The following CUL4B variants were observed in gnomAD, a reference collection of about 807,000 sequenced individuals.
CUL4B encodes cullin 4B, also known as cullin-4B.
In CUL4B, 1 loss-of-function variant was observed where a neutral mutation model predicts 69.2. The observed-to-expected ratio is 0.01, with a 90% CI of 0.01 to 0.07. The LOEUF is 0.07. CUL4B is among the 10% of genes least tolerant of loss of function. The probability of loss-of-function intolerance (pLI) is 1.00; values close to 1 mark genes in which losing one functional copy is unlikely to be tolerated. For missense variants in CUL4B, 328 were observed against 638.8 expected, an observed-to-expected ratio of 0.51 and a Z score of 5.24; for synonymous variants, 237 against 223.2, an observed-to-expected ratio of 1.06 and a Z score of -0.55.
Position 120,544,610 on chromosome X carries a change from A to G in CUL4B, c.954T>C (p.Ile318=), listed in dbSNP as rs144312827. ...TATTCTGCACTTTCTGATCACTTAT[A>G]ATATGAGCCCTAAATAACTCCAGTC... ...DMGLELFRAH[I]ISDQKVQNKT... Residue 318 remains isoleucine, a synonymous_variant, in exon 6 of 20, where the codon ATT becomes ATC. Transcript: ENST00000371322. The G allele has an allele frequency of 6.6e-6, 8 of 1,207,583 alleles. No individual in the cohort carries two copies. The African/African-American group carries it at 1.4e-4, about 21-fold the overall frequency.
Position 120,537,473 on chromosome X carries a change from G to A in CUL4B, c.1939-439C>T, listed in dbSNP as rs192987297. Among the ~76,000 whole-genome samples, 570 of 110,483 alleles carry A rather than the reference G, an allele frequency of 5.2e-3. 1 individual carries two copies. The highest frequency in any genetic ancestry group is 8.8e-3 in the Non-Finnish European group (467 of 52,868). On this transcript the variant is annotated intron_variant, in intron 14 of 19. Transcript: ENST00000371322. ...GCTCCACTGCCTGTCTGCAGGGAGT[G>A]ACCTGGAGTAGGGAAGGAAAAAGAG...
At chrX:120,530,053 CTTTCT>C in intron 19 of CUL4B, 44 bp downstream of exon 19, 1 of 1,143,515 alleles carries the variant, frequency 8.7e-7, no homozygotes, top group Non-Finnish European at 1.2e-6. Context: ...ATCTAATGTA[CTTTCT>C]TTTATTTATA....
At chrX:120,561,690 A>T (rs1363716251), upstream of CUL4B, among the ~76,000 whole-genome samples, 1 of 109,365 alleles carries the variant, frequency 9.1e-6, no homozygotes, top group Non-Finnish European at 1.9e-5. Context: ...AATAAAACGT[A>T]AGGGTCCGGG....
chrX:120,529,942 GTTT>G (rs76254851), intron 19 of CUL4B, among the ~76,000 whole-genome samples, 157 bp downstream of exon 19: 1 of 104,851 alleles, frequency 9.5e-6, no homozygotes, highest in Admixed American at 1.0e-4. Context: ...TGCCAACAAA[GTTT>G]TTTTTTTTGG....
At chrX:120,541,454 G>A (rs762918613) in intron 10 of CUL4B, 148 bp downstream of exon 10, 37 of 488,044 alleles carry the variant, frequency 7.6e-5, no homozygotes, top group Non-Finnish European at 1.1e-4. Context: ...AGCTAAGATC[G>A]TGCCACCGCA....
chrX:120,558,058 G>A lies in CUL4B; in HGVS notation c.557-19C>T, dbSNP rs756751250. On this transcript the variant is annotated intron_variant, in intron 1 of 19. Coordinates refer to ENST00000371322, the MANE Select transcript of CUL4B (RefSeq NM_001079872.2). ...GGCTTATCTAGATGATATGTAAAAG[G>A]TTGGCATCAGAATACCATGTCAGAT... 33 of 999,838 alleles carry A rather than the reference G, an allele frequency of 3.3e-5. No individual in the cohort carries two copies. Among genetic ancestry groups the A allele is most frequent in the Non-Finnish European group, 4.2e-5 (30 of 706,698 alleles). The allele number at this position is 999,838 out of a possible 1,213,427, so 82.4% of individuals were successfully genotyped here. A position where few individuals can be genotyped will look rare whatever the true frequency, so the allele number is the denominator to read the frequency against.
intron 4 of CUL4B, among the ~76,000 whole-genome samples, chrX:120,545,929 C>A: frequency 9.2e-6 from 1 of 108,727 alleles, no homozygotes. Context: ...AGGTATAAAC[C>A]AGATTAAGAA....
intron 3 of CUL4B, 124 bp downstream of exon 3, chrX:120,547,012 A>G (rs1458463494): frequency 2.0e-6 from 1 of 505,196 alleles, no homozygotes; most frequent in Non-Finnish European, 3.5e-6. Context: ...CGAGAAACAC[A>G]AGGCACAAAA....
chrX:120,558,258 T>C (rs1260099100), intron 1 of CUL4B, among the ~76,000 whole-genome samples: 1 of 111,821 alleles, frequency 8.9e-6, no homozygotes, highest in Non-Finnish European at 1.9e-5. Context: ...CCTATTAAAA[T>C]TGAAGGTGAG....
chrX:120,538,315 G>A, intron 13 of CUL4B, 106 bp from the exon 14 acceptor site: 1 of 511,285 alleles, frequency 2.0e-6, no homozygotes, highest in Non-Finnish European at 3.2e-6. Flanking sequence ...AGTATGATCT[G>A]TAACTTTCAT....
At chrX:120,567,526 C>T (rs1925591978), downstream of CUL4B, among the ~76,000 whole-genome samples, 1 of 109,320 alleles carries the variant, frequency 9.1e-6, no homozygotes, top group African/African-American at 3.3e-5. Context: ...CAAACCTAGT[C>T]AGTCCAATTC....
At chrX:120,537,444 A>G (rs1363807209) in intron 14 of CUL4B, among the ~76,000 whole-genome samples, 2 of 109,512 alleles carry the variant, frequency 1.8e-5, no homozygotes, top group Non-Finnish European at 3.8e-5. Context: ...CCAGTTTTTC[A>G]CTTGCTCCAC....
In CUL4B at chrX:120,547,209, A is replaced by C. The variant is rs1236809578; in HGVS notation, c.703T>G (p.Ser235Ala). The change falls in exon 3 of 20, where the codon TCT (serine) becomes GCT (alanine). Residue 235 changes from serine to alanine, a missense_variant. Coordinates refer to ENST00000371322, the MANE Select transcript of CUL4B (RefSeq NM_001079872.2). ...AVENLCSYKI[S>A]ANLYKQLRQI... ...CTCAGCTGTTTGTACAAGTTTGCAG[A>C]AATCTTGTAAGAACAGAGATTTTCT... 1 of 1,198,969 alleles carries C rather than the reference A, an allele frequency of 8.3e-7. No homozygotes were observed. Among genetic ancestry groups the C allele is most frequent in the African/African-American group, 1.8e-5 (1 of 57,133 alleles).
chrX:120,561,860 G>C (rs1479716995), upstream of CUL4B, among the ~76,000 whole-genome samples: 1 of 111,085 alleles, frequency 9.0e-6, no homozygotes, highest in East Asian at 2.8e-4. Context: ...AGCTAAGATA[G>C]GAAGAAAAGG....
chrX:120,544,623 A>C lies in CUL4B; in HGVS notation c.941T>G (p.Phe314Cys). Residue 314 changes from phenylalanine to cysteine, a missense_variant, in exon 6 of 20, where the codon TTT (phenylalanine) becomes TGT (cysteine). By Grantham distance (205) the Phe-to-Cys change is radical (BLOSUM62 -2). Coordinates refer to ENST00000371322, the MANE Select transcript of CUL4B (RefSeq NM_001079872.2). Reference protein sequence around the residue: ...PSIWDMGLELFRAHIISDQKV... With the variant: ...PSIWDMGLELCRAHIISDQKV... ...CTGATCACTTATAATATGAGCCCTA[A>C]ATAACTCCAGTCCCATGTCCCTAAA... 8.3e-7 allele frequency: 1 copy of C among 1,207,570 alleles called. No individual in the cohort carries two copies. Among genetic ancestry groups the C allele is most frequent in the Admixed American group, 2.2e-5 (1 of 45,973 alleles).
chrX:120,558,732 A>G (rs1925119644), intron 1 of CUL4B, among the ~76,000 whole-genome samples: 1 of 112,051 alleles, frequency 8.9e-6, no homozygotes, highest in East Asian at 2.8e-4. Flanking sequence ...TAGGCTTTAA[A>G]CTTCACTGAC....
chrX:120,543,983 G>C (rs957693266), intron 7 of CUL4B, 131 bp downstream of exon 7: 4 of 570,710 alleles, frequency 7.0e-6, no homozygotes, highest in Non-Finnish European at 8.9e-6. Context: ...AGAGAGAAAA[G>C]AAAGGAGCAC....
chrX:120,567,546 C>A (rs1301193625), downstream of CUL4B, among the ~76,000 whole-genome samples: 1 of 109,269 alleles, frequency 9.2e-6, no homozygotes, highest in Admixed American at 9.8e-5. Context: ...CAATCAGAAT[C>A]TCTGTGAGGA....
intron 2 of CUL4B, among the ~76,000 whole-genome samples, chrX:120,556,934 G>C (rs1337884664): frequency 2.2e-4 from 23 of 102,484 alleles, no homozygotes; most frequent in African/African-American, 8.3e-4. Context: ...TTTTTGAGAT[G>C]GAGTTTCACT....
Sources: allele counts gnomAD v4.1 joint callset (sites outside exome capture counted in the v4.1 genomes callset), GRCh38; gene constraint gnomAD v4.1.1; transcripts MANE v1.5; gene names NCBI Gene and HGNC (gene_info 2026-07-23, HGNC 2026-07-21).